Variants in ZNF136 observed in about 807,000 individuals in gnomAD.
ZNF136 encodes the protein zinc finger protein 136 (clone pHZ-20).
In ZNF136, 8 loss-of-function variants were observed where a neutral mutation model predicts 11.4. The observed-to-expected ratio is 0.70, with a 90% CI of 0.41 to 1.27. ZNF136 has a LOEUF of 1.27. Among genes scored for constraint, ZNF136 ranks in the 50% most tolerant of loss-of-function variants. ZNF136 has a pLI of 0.01. For synonymous variants in ZNF136, 190 were observed against 207.1 expected (o/e 0.92, Z 0.71); for missense variants, 590 against 656.5 (o/e 0.90, Z 1.11).
chr19:12,177,421 C>T (rs1274846296), intron 1 of ZNF136, among the ~76,000 whole-genome samples: 1 of 152,218 alleles, frequency 6.6e-6, no homozygotes, highest in Non-Finnish European at 1.5e-5. Context: ...CGGCTCACTA[C>T]AACCTCTACC....
At chr19:12,178,807 G>A (rs1040554436) in intron 1 of ZNF136, among the ~76,000 whole-genome samples, 1 of 151,978 alleles carries the variant, frequency 6.6e-6, no homozygotes, top group African/African-American at 2.4e-5. Context: ...TGGCTAACAC[G>A]GTGTAACCCT....
At position 12,163,155 on chromosome 19, in the gene ZNF136, C is replaced by A; in HGVS notation, c.-49C>A. 1 of 1,399,120 alleles carries A rather than the reference C, an allele frequency of 7.1e-7. No homozygotes were observed. The highest frequency in any genetic ancestry group is 9.3e-7 in the Non-Finnish European group (1 of 1,069,558). 86.7% of individuals were successfully genotyped at this position (1,399,120 alleles called of 1,614,324 possible). ...GTCTCTGTGGCGCGGTTTCCTGTACCTGCCTTGGGATCCGGAGGGAGGAAG... is the reference window on the plus strand; with the variant it reads ...GTCTCTGTGGCGCGGTTTCCTGTACATGCCTTGGGATCCGGAGGGAGGAAG... On this transcript the variant is annotated 5_prime_UTR_variant, in exon 1 of 4. It adds an upstream start codon to the 5' untranslated region. Coordinates refer to ENST00000343979, the MANE Select transcript of ZNF136 (RefSeq NM_003437.5).
chr19:12,180,766 G>C (rs146492116), intron 1 of ZNF136, among the ~76,000 whole-genome samples: 10 of 152,292 alleles, frequency 6.6e-5, no homozygotes, highest in African/African-American at 2.4e-4. Context: ...TATAGGTATG[G>C]CTTATTGTCA....
intron 1 of ZNF136, among the ~76,000 whole-genome samples, chr19:12,167,114 TG>T (rs1977197592): frequency 6.6e-6 from 1 of 152,250 alleles, no homozygotes; most frequent in Non-Finnish European, 1.5e-5. Flanking sequence ...GAGGTTATTC[TG>T]TTCTTAGGAA....
intron 1 of ZNF136, among the ~76,000 whole-genome samples, chr19:12,164,034 G>A (rs1190646661): frequency 6.6e-6 from 1 of 152,134 alleles, no homozygotes; most frequent in Non-Finnish European, 1.5e-5. Flanking sequence ...GCTGCCCACA[G>A]CTGCCAAGTC....
intron 1 of ZNF136, among the ~76,000 whole-genome samples, chr19:12,181,208 G>A (rs1914931302): frequency 6.6e-6 from 1 of 152,212 alleles, no homozygotes; most frequent in Non-Finnish European, 1.5e-5. Context: ...TGTGGGAAAT[G>A]GCAAGTGTGC....
chr19:12,164,227 A>G (rs1357616256), intron 1 of ZNF136, among the ~76,000 whole-genome samples: 1 of 152,118 alleles, frequency 6.6e-6, no homozygotes, highest in African/African-American at 2.4e-5. Flanking sequence ...TTGGAGACAC[A>G]CTGGTGGTCA....
At chr19:12,169,547 C>T (rs1413909961) in intron 1 of ZNF136, among the ~76,000 whole-genome samples, 1 of 151,854 alleles carries the variant, frequency 6.6e-6, no homozygotes, top group Non-Finnish European at 1.5e-5. Context: ...GCATTTCTGG[C>T]ATGTCTCCCT....
rs1394987321 is a variant in ZNF136, at chr19:12,167,223, G to A, written c.3+4017G>A. Among the ~76,000 whole-genome samples, 6 of 152,190 alleles carry A rather than the reference G, an allele frequency of 3.9e-5. No homozygotes were observed. The East Asian group carries it at 1.2e-3, about 29-fold the overall frequency. ...TGCATCTGTAGTTCTCTATATTTTG[G>A]AGTAATTATCTACATGATATGTGTA... On this transcript the variant is annotated intron_variant, in intron 1 of 3. Transcript: ENST00000343979.
Position 12,178,711 on chromosome 19 carries a change from C to CGG in ZNF136, c.4-7071_4-7070dup, listed in dbSNP as rs201125140. Among the ~76,000 whole-genome samples, 12 of 151,404 alleles carry CGG rather than the reference C, an allele frequency of 7.9e-5. 1 individual carries two copies. Among genetic ancestry groups the CGG allele is most frequent in the African/African-American group, 2.9e-4 (12 of 40,838 alleles). The stretch of plus-strand genomic sequence containing the variant: ...TATTTGTTAAATATTGTGAATCAGG[C>CGG]GGGGAGGGGTGGCTCACGCCTGTAA... On this transcript the variant is annotated intron_variant, in intron 1 of 3. Coordinates refer to ENST00000343979, the MANE Select transcript of ZNF136 (RefSeq NM_003437.5).
intron 1 of ZNF136, among the ~76,000 whole-genome samples, chr19:12,183,998 GGCTCAC>G (rs1254955712): frequency 6.6e-6 from 1 of 152,218 alleles, no homozygotes; most frequent in Non-Finnish European, 1.5e-5. Flanking sequence ...TGGGTGTGGT[GGCTCAC>G]GCCTGTAATC....
At chr19:12,186,027 A>G (rs2145642421) in intron 2 of ZNF136, 87 bp from the exon 3 acceptor site, 2 of 1,593,686 alleles carry the variant, frequency 1.3e-6, no homozygotes, top group Non-Finnish European at 1.7e-6. Context: ...TAAAACAGGC[A>G]TAGTCACAGG....
rs2145643950 is a variant in ZNF136, at chr19:12,187,346, T to G, written c.968T>G (p.Leu323Arg). The change falls in exon 4 of 4, where the codon CTT (leucine) becomes CGT (arginine). Residue 323 changes from leucine to arginine, a missense_variant. Physicochemically the swap from Leu to Arg is moderately radical, Grantham distance 102. Transcript: ENST00000343979. The part of the protein sequence containing the change: ...CGKAFSYLPS[L>R]RLHERIHTGE... The stretch of plus-strand genomic sequence containing the variant: ...AAGGCCTTCAGTTATCTCCCCTCCC[T>G]TCGACTACATGAAAGAATTCACACT... 2 of 1,614,086 alleles carry G rather than the reference T, an allele frequency of 1.2e-6. No individual in the cohort carries two copies. Among genetic ancestry groups the G allele is most frequent in the East Asian group, 4.5e-5 (2 of 44,868 alleles).
At chr19:12,173,154 T>C (rs1007412192) in intron 1 of ZNF136, among the ~76,000 whole-genome samples, 1 of 152,130 alleles carries the variant, frequency 6.6e-6, no homozygotes, top group African/African-American at 2.4e-5. Context: ...AAATCCTTTA[T>C]TGGGGTCCAA....
intron 1 of ZNF136, among the ~76,000 whole-genome samples, chr19:12,179,157 G>A (rs1914876067): frequency 1.3e-5 from 2 of 151,786 alleles, no homozygotes; most frequent in South Asian, 4.2e-4. Context: ...GATACCAAAA[G>A]TTAAATCAAG....
chr19:12,181,734 A>G (rs1450264978), intron 1 of ZNF136, among the ~76,000 whole-genome samples: 3 of 151,980 alleles, frequency 2.0e-5, no homozygotes, highest in Admixed American at 6.6e-5. Flanking sequence ...TCCCGGGTTC[A>G]CACCATTCTC....
chr19:12,184,164 G>A (rs772088197), intron 1 of ZNF136, among the ~76,000 whole-genome samples: 2 of 152,104 alleles, frequency 1.3e-5, no homozygotes, highest in Non-Finnish European at 2.9e-5. Context: ...TCCTCGGGAG[G>A]TTGAGGCGGG....
chr19:12,182,175 T>C (rs1914959484), intron 1 of ZNF136, among the ~76,000 whole-genome samples: 1 of 152,254 alleles, frequency 6.6e-6, no homozygotes, highest in Non-Finnish European at 1.5e-5. Context: ...TTCTTTTATG[T>C]TTGTGACCTT....
intron 1 of ZNF136, 121 bp from the exon 2 acceptor site, chr19:12,185,664 C>G (rs920312529): frequency 1.5e-6 from 2 of 1,323,156 alleles, no homozygotes; most frequent in African/African-American, 3.0e-5. Context: ...GTATGATGAC[C>G]AAACAGTGGA....
Sources: allele counts gnomAD v4.1 joint callset (sites outside exome capture counted in the v4.1 genomes callset), GRCh38; gene constraint gnomAD v4.1.1; transcripts MANE v1.5; gene names NCBI Gene and HGNC (gene_info 2026-07-23, HGNC 2026-07-21).